The following FAT1 variants were observed in gnomAD, a reference collection of about 807,000 sequenced individuals.
FAT1 encodes the protein FAT atypical cadherin 1, also known as protocadherin Fat 1.
Under a neutral mutation model 329.8 loss-of-function variants are expected in FAT1, and 171 were observed. The observed-to-expected ratio is 0.52, with a 90% confidence interval of 0.46 to 0.59. FAT1 has a LOEUF of 0.59. FAT1 is among the 20% of genes least tolerant of loss of function. The pLI, the probability that FAT1 is intolerant of heterozygous loss-of-function variation, is 0.00. For missense variants in FAT1, 5,672 were observed against 5,774.4 expected (o/e 0.98, Z 0.57); for synonymous variants, 2,233 against 2,228.6 (o/e 1.00, Z -0.06).
chr4:186,677,498 T>A (rs1743012931), intron 2 of FAT1, among the ~76,000 whole-genome samples: 1 of 152,126 alleles, frequency 6.6e-6, no homozygotes, highest in Non-Finnish European at 1.5e-5. Flanking sequence ...AGGGTTTTTT[T>A]TTTTAATGAA....
intron 1 of FAT1, among the ~76,000 whole-genome samples, chr4:186,721,870 T>C (rs2126724881): frequency 6.7e-6 from 1 of 148,614 alleles, no homozygotes. Context: ...TTTTCTTTTC[T>C]TTTTTTTCCC....
intron 2 of FAT1, among the ~76,000 whole-genome samples, chr4:186,687,170 T>C (rs1379025147): frequency 6.6e-6 from 1 of 152,184 alleles, no homozygotes; most frequent in Non-Finnish European, 1.5e-5. Flanking sequence ...AGTTGGGTTA[T>C]AAAAATCAGA....
intron 2 of FAT1, among the ~76,000 whole-genome samples, chr4:186,705,612 T>G (rs1744546820): frequency 1.3e-5 from 2 of 152,206 alleles, no homozygotes; most frequent in Admixed American, 1.3e-4. Flanking sequence ...GCCAGGCACT[T>G]TTTGCTAGGT....
chr4:186,700,550 C>T (rs1207306499), intron 2 of FAT1, among the ~76,000 whole-genome samples: 1 of 152,182 alleles, frequency 6.6e-6, no homozygotes, highest in Admixed American at 6.5e-5. Flanking sequence ...GACCAAGCAT[C>T]GAATCTAGGA....
intron 2 of FAT1, among the ~76,000 whole-genome samples, chr4:186,666,866 G>A (rs1560978647): frequency 6.6e-6 from 1 of 152,298 alleles, no homozygotes; most frequent in South Asian, 2.1e-4. Flanking sequence ...CTTTCCCAGG[G>A]CCACAGTGAA....
intron 26 of FAT1, among the ~76,000 whole-genome samples, chr4:186,591,194 A>G (rs1309849699): frequency 6.6e-6 from 1 of 152,372 alleles, no homozygotes; most frequent in Non-Finnish European, 1.5e-5. Flanking sequence ...AAACAGGATC[A>G]TGCAGGTTAA....
Position 186,592,550 on chromosome 4 carries a change from T to C in FAT1, c.13138+3139A>G, listed in dbSNP as rs1445807089. ...TTGCAAAGCACTCATATTACGTATATACACACCTGCATAAAATAAAAGGAC... is the reference window on the plus strand; with the variant it reads ...TTGCAAAGCACTCATATTACGTATACACACACCTGCATAAAATAAAAGGAC... On this transcript the variant is annotated intron_variant, in intron 26 of 26. Coordinates refer to ENST00000441802, the MANE Select transcript of FAT1 (RefSeq NM_005245.4). 5 of 381,612 alleles carry C rather than the reference T, an allele frequency of 1.3e-5. No homozygotes were observed. In the East Asian group the frequency reaches 3.6e-4, roughly 28 times the overall value. The allele number at this position is 381,612 out of a possible 1,614,324, so 23.6% of individuals were successfully genotyped here.
intron 26 of FAT1, among the ~76,000 whole-genome samples, chr4:186,589,800 G>A (rs933632936): frequency 1.3e-5 from 2 of 152,106 alleles, no homozygotes; most frequent in Non-Finnish European, 2.9e-5. Flanking sequence ...CCGAAGTGCT[G>A]GGATTACAGG....
chr4:186,605,285 T>G (rs1399544752), intron 17 of FAT1, among the ~76,000 whole-genome samples: 193 of 62,962 alleles, frequency 3.1e-3, no homozygotes, highest in East Asian at 3.4e-3. Flanking sequence ...AGAGAAGAGG[T>G]TGACAAGAGG....
rs1053261493 is a variant in FAT1 at position 186,589,032 on chromosome 4, G to A, written c.13327C>T (p.Pro4443Ser). The A allele has an allele frequency of 1.2e-6, 2 of 1,613,734 alleles. No individual in the cohort carries two copies. The highest frequency in any genetic ancestry group is 1.7e-6 in the Non-Finnish European group (2 of 1,179,862). ...SDFPPPPEDF[P>S]AADELPPLPP... ...AACGGTGGTAGCTCATCAGCTGCGG[G>A]GAAGTCTTCTGGGGGTGGAGGAAAA... Residue 4443 changes from proline to serine, a missense_variant, in exon 27 of 27, where the codon CCC (proline) becomes TCC (serine). Transcript: ENST00000441802.
In FAT1 at chr4:186,628,602, G is replaced by C. The variant is rs1373603188; in HGVS notation, c.4485C>G (p.Ser1495Arg). The change falls in exon 8 of 27, where the codon AGC becomes AGG. Residue 1495 changes from serine (S) to arginine (R), a missense_variant. Transcript: ENST00000441802. ...TCTTGAGACTCAGTGGATCTCTACT[G>C]CTCTGCAGAGTGTAGATTAGTTTGT... Reference protein sequence around the residue: ...EKNKLIYTLQSSRDPLSLKKF... With the variant: ...EKNKLIYTLQRSRDPLSLKKF... 1 of 1,613,860 alleles carries C rather than the reference G, an allele frequency of 6.2e-7. No homozygotes were observed. The highest frequency in any genetic ancestry group is 8.5e-7 in the Non-Finnish European group (1 of 1,179,900).
Position 186,628,197 on chromosome 4 carries a change from C to T in FAT1, c.4767G>A (p.Lys1589=), listed in dbSNP as rs751842315. 4.3e-6 allele frequency: 7 copies of T among 1,613,780 alleles called. No individual in the cohort carries two copies. In the Admixed American group the frequency reaches 6.7e-5, roughly 15 times the overall value. Residue 1589 remains lysine (K), a synonymous_variant, in exon 9 of 27, where the codon AAG becomes AAA. Transcript: ENST00000441802. ...SVVLQVTALD[K]DKGKNAEVLY... is the part of the protein sequence containing the mutation. ...GCACTTCAGCATTTTTCCCTTTGTC[C>T]TTGTCCAGAGCCGTCACCTGCAACA... is the stretch of plus-strand genomic sequence containing the variant.
At chr4:186,663,691 G>T in intron 2 of FAT1, 78 bp from the exon 3 acceptor site, 1 of 1,135,068 alleles carries the variant, frequency 8.8e-7, no homozygotes, top group Non-Finnish European at 1.2e-6. Context: ...CAACAACTAC[G>T]GCTTACTGAG....
Position 186,709,329 on chromosome 4 carries a change from T to C in FAT1, c.499A>G (p.Ser167Gly), listed in dbSNP as rs1198901271. The C allele has an allele frequency of 1.2e-6, 2 of 1,613,898 alleles. No homozygotes were observed. Among genetic ancestry groups the C allele is most frequent in the Non-Finnish European group, 1.7e-6 (2 of 1,179,900 alleles). ...SLPENTAIRT[S>G]IARVSATDAD... is the part of the protein sequence containing the mutation. ...TCCGTGGCGCTGACTCTTGCGATAC[T>C]GGTCCTTATAGCTGTGTTTTCAGGT... Residue 167 changes from serine to glycine, a missense_variant, in exon 2 of 27, where the codon AGT (serine) becomes GGT (glycine). Transcript: ENST00000441802.
chr4:186,601,636 G>A (rs1738825411), intron 20 of FAT1: 2 of 414,938 alleles, frequency 4.8e-6, no homozygotes, highest in African/African-American at 2.0e-5. Context: ...TTTGACGACT[G>A]CATCACAGAG....
chr4:186,651,389 GA>G (rs1741651022), intron 3 of FAT1, among the ~76,000 whole-genome samples: 1 of 152,202 alleles, frequency 6.6e-6, no homozygotes, highest in Non-Finnish European at 1.5e-5. Flanking sequence ...TGGGTGGACA[GA>G]AGGCGCAAGT....
rs1739604519 is a variant in FAT1 at position 186,614,296 on chromosome 4, T to C, written c.9124A>G (p.Ile3042Val). The C allele has an allele frequency of 4.4e-6, 7 of 1,587,700 alleles. No individual in the cohort carries two copies. Among genetic ancestry groups the C allele is most frequent in the East Asian group, 2.3e-5 (1 of 43,328 alleles). The change falls in exon 12 of 27, where the codon ATC (isoleucine) becomes GTC (valine). Residue 3042 changes from isoleucine to valine, a missense_variant. This residue lies in a region of FAT1 where 3,966 missense variants were observed against 3,915.2 expected (regional missense o/e 1.01). Coordinates refer to ENST00000441802, the MANE Select transcript of FAT1 (RefSeq NM_005245.4). ...GCGTCTGTAGCAGAGATCTGCATGA[T>C]CAATTTTCCAGGAAGGACGTCTTCA... is the stretch of plus-strand genomic sequence containing the variant. ...IPEDVLPGKL[I>V]MQISATDADI... is the part of the protein sequence containing the mutation.
intron 5 of FAT1, 118 bp downstream of exon 5, chr4:186,636,467 C>T (rs1321747154): frequency 2.4e-5 from 26 of 1,104,516 alleles, no homozygotes; most frequent in Non-Finnish European, 1.3e-6. Flanking sequence ...ATGGGGCCAG[C>T]AGGTCACAAA....
intron 1 of FAT1, among the ~76,000 whole-genome samples, chr4:186,718,101 G>T (rs2126719504): frequency 6.6e-6 from 1 of 152,234 alleles, no homozygotes; most frequent in East Asian, 1.9e-4. Context: ...ATTAGATTCG[G>T]TCAACCCTTC....
Sources: allele counts gnomAD v4.1 joint callset (sites outside exome capture counted in the v4.1 genomes callset), GRCh38; gene constraint gnomAD v4.1.1; regional missense constraint gnomAD v4.1.1; transcripts MANE v1.5; gene names NCBI Gene and HGNC (gene_info 2026-07-23, HGNC 2026-07-21).